The following GAREM1 variants were observed in gnomAD, a reference collection of about 807,000 sequenced individuals.
GAREM1 encodes the protein GRB2-associated and regulator of MAPK protein 1.
A neutral mutation model predicts 71.3 loss-of-function variants in GAREM1; 26 were observed. The ratio of observed to expected loss-of-function variants is 0.36; its 90% CI spans 0.27 to 0.51. The LOEUF (loss-of-function observed/expected upper bound fraction) is 0.51, where lower values mean the gene tolerates loss of function less well. Ranked by LOEUF, GAREM1 falls within the 20% of genes least tolerant of loss-of-function variation. The pLI, the probability that GAREM1 is intolerant of heterozygous loss-of-function variation, is 0.95. For synonymous variants in GAREM1, 440 were observed against 433.2 expected (o/e 1.02, Z -0.20); for missense variants, 1,026 against 1,103.1 (o/e 0.93, Z 0.99).
At chr18:32,306,065 G>A (rs2047253042) in intron 3 of GAREM1, among the ~76,000 whole-genome samples, 1 of 152,130 alleles carries the variant, frequency 6.6e-6, no homozygotes, top group Admixed American at 6.6e-5. Flanking sequence ...GTACTGTCCT[G>A]GTTAACTCAC....
At chr18:32,410,085 AC>A (rs1170350379) in intron 1 of GAREM1, among the ~76,000 whole-genome samples, 2 of 152,210 alleles carry the variant, frequency 1.3e-5, no homozygotes, top group Non-Finnish European at 2.9e-5. Context: ...AGAGATGCTC[AC>A]ACCATAAAAG....
intron 2 of GAREM1, among the ~76,000 whole-genome samples, chr18:32,312,480 A>C (rs1467538852): frequency 2.0e-5 from 3 of 152,174 alleles, no homozygotes; most frequent in Non-Finnish European, 2.9e-5. Flanking sequence ...TGAGGACTTC[A>C]ACAAGGGCAG....
At chr18:32,465,483 G>A (rs533220708) in intron 1 of GAREM1, among the ~76,000 whole-genome samples, 12 of 152,166 alleles carry the variant, frequency 7.9e-5, no homozygotes, top group African/African-American at 2.2e-4. Flanking sequence ...CAACACATCC[G>A]GGACTTAGAA....
chr18:32,408,041 T>A (rs2048382096), intron 1 of GAREM1, among the ~76,000 whole-genome samples: 1 of 152,098 alleles, frequency 6.6e-6, no homozygotes, highest in Non-Finnish European at 1.5e-5. Context: ...CTAAGCCTGG[T>A]AGCCTGGCTC....
At chr18:32,468,960 T>TGCCCCCCCCCC (rs2049023776) in intron 1 of GAREM1, among the ~76,000 whole-genome samples, 1 of 82,164 alleles carries the variant, frequency 1.2e-5, no homozygotes, top group African/African-American at 4.9e-5. Context: ...CACCTGTGCG[T>TGCCCCCCCCCC]CCCCCCCCCC....
intron 1 of GAREM1, among the ~76,000 whole-genome samples, chr18:32,401,926 T>C (rs2048319528): frequency 6.6e-6 from 1 of 152,198 alleles, no homozygotes. Context: ...GGATTCAGAA[T>C]GATTTTTAAA....
intron 1 of GAREM1, among the ~76,000 whole-genome samples, chr18:32,428,143 T>G (rs1391347347): frequency 6.6e-6 from 1 of 152,208 alleles, no homozygotes; most frequent in Non-Finnish European, 1.5e-5. Context: ...GACAAGCTTA[T>G]GAATAAAAAT....
At position 32,308,744 on chromosome 18, in the gene GAREM1, T is replaced by A. The variant is rs2047283273; in HGVS notation, c.393+1449A>T. On this transcript the variant is annotated intron_variant, in intron 3 of 5. Transcript: ENST00000269209. ...TGAAAAAGTTAAAAACGATAAATAT[T>A]TTTGTATGTAAGCATAATTTACTTA... Among the ~76,000 whole-genome samples the A allele has an allele frequency of 2.0e-5, 3 of 150,240 alleles. No homozygotes were observed. The South Asian group carries it at 6.3e-4, about 32-fold the overall frequency.
chr18:32,378,558 A>G (rs2048063056), intron 2 of GAREM1, among the ~76,000 whole-genome samples: 1 of 151,736 alleles, frequency 6.6e-6, no homozygotes, highest in African/African-American at 2.4e-5. Context: ...ACACCTTGGG[A>G]AAACATAGAA....
intron 2 of GAREM1, among the ~76,000 whole-genome samples, chr18:32,324,268 A>G (rs2047455145): frequency 6.6e-6 from 1 of 152,354 alleles, no homozygotes; most frequent in Admixed American, 6.5e-5. Context: ...AACTGCGTAC[A>G]CAGAGTGTGA....
At chr18:32,331,647 C>G (rs118154460) in intron 2 of GAREM1, 20 of 152,210 alleles carry the variant, frequency 1.3e-4, no homozygotes, top group Admixed American at 1.0e-3. Context: ...CAGAAGGTGT[C>G]GGATGGGGAT....
chr18:32,350,686 A>C (rs2047740672), intron 2 of GAREM1, among the ~76,000 whole-genome samples: 1 of 152,198 alleles, frequency 6.6e-6, no homozygotes, highest in South Asian at 2.1e-4. Flanking sequence ...GTTACGAATC[A>C]CTTTAAAATT....
intron 1 of GAREM1, among the ~76,000 whole-genome samples, chr18:32,430,996 A>C (rs1413325297): frequency 6.6e-6 from 1 of 152,180 alleles, no homozygotes; most frequent in African/African-American, 2.4e-5. Context: ...GAGTGATCCT[A>C]TAAATTTGAG....
intron 2 of GAREM1, among the ~76,000 whole-genome samples, chr18:32,310,832 A>G (rs1300434840): frequency 6.6e-6 from 1 of 152,100 alleles, no homozygotes; most frequent in Admixed American, 6.5e-5. Context: ...CATAACTCAT[A>G]TTCCTGGTTA....
intron 2 of GAREM1, among the ~76,000 whole-genome samples, chr18:32,371,600 G>A (rs1421860420): frequency 6.6e-6 from 1 of 152,160 alleles, no homozygotes; most frequent in Non-Finnish European, 1.5e-5. Flanking sequence ...ACAGGATACA[G>A]GAAGAAGAGT....
intron 1 of GAREM1, among the ~76,000 whole-genome samples, chr18:32,411,610 A>AT (rs949799141): frequency 6.6e-6 from 1 of 152,152 alleles, no homozygotes; most frequent in Non-Finnish European, 1.5e-5. Flanking sequence ...ATTTAGATAT[A>AT]TTGCATAGGA....
Position 32,370,817 on chromosome 18 carries a change from A to C in GAREM1, c.262+22078T>G, listed in dbSNP as rs555087955. 2.6e-5 allele frequency among the ~76,000 whole-genome samples: 4 copies of C among 152,298 alleles called. No individual in the cohort carries two copies. The East Asian group carries it at 7.7e-4, about 29-fold the overall frequency. Reference sequence around the variant, plus strand: ...AGATGCTAATACTAACGTTAAGATTATGTTCAAACTACCTGCTGTTTACAA... The same window carrying C: ...AGATGCTAATACTAACGTTAAGATTCTGTTCAAACTACCTGCTGTTTACAA... On this transcript the variant is annotated intron_variant, in intron 2 of 5. Transcript: ENST00000269209.
chr18:32,287,781 C>T lies in GAREM1; in HGVS notation c.816G>A (p.Lys272=). Residue 272 remains lysine, a synonymous_variant, in exon 4 of 6, where the codon AAG becomes AAA. Coordinates refer to ENST00000269209, the MANE Select transcript of GAREM1 (RefSeq NM_001242409.2). This position sits in a 1 kb window ranked among gnomAD's most constrained non-coding sequence, Gnocchi z 5.9. The part of the protein sequence containing the change: ...LHFIREGHRY[K]FVNIQTKTVV... ...CCGTCTTGGTCTGGATGTTCACAAA[C>T]TTATAGCGGTGCCCCTCACGGATGA... 2 of 1,613,520 alleles carry T rather than the reference C, an allele frequency of 1.2e-6. No homozygotes were observed. The highest frequency in any genetic ancestry group is 1.7e-6 in the Non-Finnish European group (2 of 1,179,954).
chr18:32,273,946 T>C (rs1290610885), intron 4 of GAREM1, among the ~76,000 whole-genome samples: 1 of 152,128 alleles, frequency 6.6e-6, no homozygotes, highest in Non-Finnish European at 1.5e-5. Context: ...TTTTAAAGGA[T>C]GACTTTAAAG....
Sources: allele counts gnomAD v4.1 joint callset (sites outside exome capture counted in the v4.1 genomes callset), GRCh38; gene constraint gnomAD v4.1.1; non-coding constraint Gnocchi (gnomAD v3.1); transcripts MANE v1.5; gene names NCBI Gene and HGNC (gene_info 2026-07-23, HGNC 2026-07-21).